The following ECT2L variants were observed in gnomAD, a reference collection of about 807,000 sequenced individuals.
ECT2L encodes the protein epithelial cell transforming 2 like.
Under a neutral mutation model 122.8 loss-of-function variants are expected in ECT2L, and 126 were observed. That is an observed-to-expected ratio of 1.03 (90% CI 0.89 to 1.19). ECT2L has a LOEUF of 1.19. Ranked by LOEUF, ECT2L falls within the 50% of genes most tolerant of loss-of-function variation. ECT2L has a pLI of 0.00. For synonymous variants in ECT2L, 385 were observed against 381.8 expected, an observed-to-expected ratio of 1.01 and a Z score of -0.10; for missense variants, 1,012 against 1,064.1, an observed-to-expected ratio of 0.95 and a Z score of 0.68.
chr6:138,799,835 G>A (rs1775479524), intron 1 of ECT2L, among the ~76,000 whole-genome samples: 1 of 152,168 alleles, frequency 6.6e-6, no homozygotes, highest in Non-Finnish European at 1.5e-5. Context: ...ACAAGTGTGA[G>A]CCACTGCATG....
chr6:138,850,748 T>C (rs545131886), intron 9 of ECT2L, among the ~76,000 whole-genome samples: 1 of 152,160 alleles, frequency 6.6e-6, no homozygotes, highest in South Asian at 2.1e-4. Flanking sequence ...ACGCCTATAA[T>C]CCCAGCGCTT....
chr6:138,838,546 C>A, intron 5 of ECT2L, 32 bp downstream of exon 5: 3 of 1,592,564 alleles, frequency 1.9e-6, no homozygotes, highest in Admixed American at 1.7e-5. Context: ...AGTAATAGGG[C>A]ACAAGTACAG....
At chr6:138,881,519 G>A (rs974548591) in intron 15 of ECT2L, among the ~76,000 whole-genome samples, 1 of 151,812 alleles carries the variant, frequency 6.6e-6, no homozygotes, top group African/African-American at 2.4e-5. Flanking sequence ...TGATTCAAGT[G>A]CATTACAGTT....
intron 10 of ECT2L, 99 bp downstream of exon 10, chr6:138,854,253 C>T: frequency 7.4e-7 from 1 of 1,343,524 alleles, no homozygotes; most frequent in African/African-American, 1.4e-5. Flanking sequence ...GATTCAGTCA[C>T]ATTTCACGCT....
At chr6:138,811,029 C>T (rs1370358662) in intron 1 of ECT2L, among the ~76,000 whole-genome samples, 1 of 152,204 alleles carries the variant, frequency 6.6e-6, no homozygotes, top group Admixed American at 6.5e-5. Flanking sequence ...ATCTAATCCT[C>T]TCCCCTTGAG....
At chr6:138,847,954 C>T (rs575218701) in intron 8 of ECT2L, among the ~76,000 whole-genome samples, 1 of 152,248 alleles carries the variant, frequency 6.6e-6, no homozygotes, top group Non-Finnish European at 1.5e-5. Context: ...CCTCAGGAAA[C>T]TTACAGTCAT....
intron 4 of ECT2L, among the ~76,000 whole-genome samples, chr6:138,824,562 AAAAAACAAAAAACAAAAAC>A (rs1776371253): frequency 9.2e-6 from 1 of 108,346 alleles, no homozygotes; most frequent in Non-Finnish European, 2.0e-5. Flanking sequence ...AAACTATAAA[AAAAAACAAAAAACAAAAAC>A]AAAAAAAACA....
intron 8 of ECT2L, among the ~76,000 whole-genome samples, chr6:138,847,089 G>A (rs1050300549): frequency 4.7e-5 from 7 of 150,300 alleles, no homozygotes; most frequent in African/African-American, 1.7e-4. Context: ...CCAACATGAC[G>A]AAACCCCATC....
chr6:138,799,258 AT>A (rs59936372), intron 1 of ECT2L, among the ~76,000 whole-genome samples: 18,286 of 147,140 alleles, frequency 0.12, 1,169 homozygotes, highest in East Asian at 0.18. Flanking sequence ...TGATTTTCTG[AT>A]TTTTTTTTTT....
In ECT2L at chr6:138,844,421, T is replaced by A. The variant is rs1777148983; in HGVS notation, c.605T>A (p.Phe202Tyr). 6.2e-7 allele frequency: 1 copy of A among 1,613,584 alleles called. No homozygotes were observed. The highest frequency in any genetic ancestry group is 1.7e-5 in the Admixed American group (1 of 59,972). ...GTTCTTTGTTTTTCAGAGGAGTTAT[T>A]CAAAGTTCGACCCCCTTGGGTGAGT... The part of the protein sequence containing the change: ...EKIALRKKEL[F>Y]KVRPPWVSGT... Residue 202 changes from phenylalanine to tyrosine, a missense_variant, in exon 7 of 22, where the codon TTC becomes TAC. Coordinates refer to ENST00000541398, the MANE Select transcript of ECT2L (RefSeq NM_001077706.3).
At chr6:138,833,619 G>C (rs547707003) in intron 4 of ECT2L, among the ~76,000 whole-genome samples, 2 of 151,998 alleles carry the variant, frequency 1.3e-5, no homozygotes, top group South Asian at 4.2e-4. Flanking sequence ...CCTGGCCAAC[G>C]TGACGAAACC....
chr6:138,802,294 G>C (rs1351733089), intron 1 of ECT2L, among the ~76,000 whole-genome samples: 1 of 152,252 alleles, frequency 6.6e-6, no homozygotes, highest in African/African-American at 2.4e-5. Context: ...TGAATGGTGA[G>C]AGACCCTAAG....
intron 20 of ECT2L, among the ~76,000 whole-genome samples, chr6:138,896,092 A>AT (rs74686619): frequency 0.16 from 22,152 of 139,630 alleles, 1,891 homozygotes; most frequent in African/African-American, 0.2. Context: ...TCATTGCTGA[A>AT]TTTTTTTTTT....
intron 11 of ECT2L, among the ~76,000 whole-genome samples, chr6:138,864,181 C>A (rs1035929257): frequency 1.3e-5 from 2 of 151,458 alleles, no homozygotes; most frequent in Admixed American, 6.6e-5. Flanking sequence ...ATAAGCTGGG[C>A]AGTAGTGGCA....
intron 13 of ECT2L, among the ~76,000 whole-genome samples, chr6:138,873,894 G>GTGTGTGTGTA (rs1554277005): frequency 0.14 from 20,810 of 145,594 alleles, 1,693 homozygotes; most frequent in Non-Finnish European, 0.18. Flanking sequence ...GTGTGTGTGT[G>GTGTGTGTGTA]TGTGTGTGTG....
intron 13 of ECT2L, among the ~76,000 whole-genome samples, chr6:138,874,140 G>A (rs1379804498): frequency 6.6e-6 from 1 of 152,120 alleles, no homozygotes; most frequent in Non-Finnish European, 1.5e-5. Context: ...GCTGGCAGAA[G>A]CATCAACAAT....
chr6:138,882,853 T>G lies in ECT2L; in HGVS notation c.2010T>G (p.Ile670Met), dbSNP rs1409008310. Residue 670 changes from isoleucine to methionine, a missense_variant, in exon 16 of 22, where the codon ATT becomes ATG. Ile to Met is a conservative substitution (Grantham distance 10). Coordinates refer to ENST00000541398, the MANE Select transcript of ECT2L (RefSeq NM_001077706.3). ...ATTTCTTCAACAATTACCCTGTCAT[T>G]CTGAAAACTATTGAGAAGGTAAATG... The part of the protein sequence containing the change: ...YTNFFNNYPV[I>M]LKTIEKCREM... 6.2e-7 allele frequency: 1 copy of G among 1,613,998 alleles called. No individual in the cohort carries two copies. Among genetic ancestry groups the G allele is most frequent in the Non-Finnish European group, 8.5e-7 (1 of 1,180,008 alleles).
Position 138,888,894 on chromosome 6 carries a change from T to C in ECT2L, c.2326-49T>C, listed in dbSNP as rs756398805. ...ATAAAATGGTTTGCAGTAGTAATTT[T>C]ATTTAAAAAAATTTATATGTACTTC... On this transcript the variant is annotated intron_variant, in intron 19 of 21. Transcript: ENST00000541398. 8.9e-6 allele frequency: 9 copies of C among 1,008,842 alleles called. No homozygotes were observed. In the East Asian group the frequency reaches 1.5e-4, roughly 17 times the overall value. The allele number at this position is 1,008,842 out of a possible 1,614,324, so 62.5% of individuals were successfully genotyped here. A position where few individuals can be genotyped will look rare whatever the true frequency, so the allele number is the denominator to read the frequency against.
chr6:138,843,985 A>C (rs1027753109), intron 6 of ECT2L, among the ~76,000 whole-genome samples: 1 of 152,126 alleles, frequency 6.6e-6, no homozygotes, highest in South Asian at 2.1e-4. Context: ...CACGGCGCCC[A>C]GCCTCAGCTA....
Sources: allele counts gnomAD v4.1 joint callset (sites outside exome capture counted in the v4.1 genomes callset), GRCh38; gene constraint gnomAD v4.1.1; transcripts MANE v1.5; gene names NCBI Gene and HGNC (gene_info 2026-07-23, HGNC 2026-07-21).